CUX1: variants seen among roughly 807,000 people sequenced by gnomAD.
CUX1 encodes the protein protein CASP.
In CUX1, 31 loss-of-function variants were observed where a neutral mutation model predicts 158.8. The observed-to-expected ratio is 0.20, with a 90% confidence interval of 0.15 to 0.26. The LOEUF (loss-of-function observed/expected upper bound fraction) is 0.26, where lower values mean the gene tolerates loss of function less well. Ranked by LOEUF, CUX1 falls within the 10% of genes least tolerant of loss-of-function variation. The pLI is 1.00. For synonymous variants in CUX1, 879 were observed against 862.1 expected (o/e 1.02, Z -0.34); for missense variants, 1,589 against 2,014.6 (o/e 0.79, Z 4.04).
intron 8 of CUX1, among the ~76,000 whole-genome samples, chr7:102,158,122 C>G (rs1225142286): frequency 3.3e-5 from 5 of 152,030 alleles, no homozygotes; most frequent in Non-Finnish European, 2.9e-5. Flanking sequence ...TCCTCTCACC[C>G]CCAGCCTGGC....
intron 1 of CUX1, among the ~76,000 whole-genome samples, chr7:101,892,477 G>A (rs1800987510): frequency 6.6e-6 from 1 of 152,100 alleles, no homozygotes; most frequent in Non-Finnish European, 1.5e-5. Context: ...GACAGAAATT[G>A]CCACTTCAAC....
downstream of CUX1, among the ~76,000 whole-genome samples, chr7:102,263,058 G>C (rs1288003608): frequency 4.8e-5 from 7 of 146,522 alleles, no homozygotes; most frequent in African/African-American, 1.8e-4. Context: ...CTGTTGCTCA[G>C]GCTGGAGTGC....
chr7:102,119,984 G>T (rs184068525), intron 8 of CUX1, among the ~76,000 whole-genome samples: 1 of 152,362 alleles, frequency 6.6e-6, no homozygotes, highest in Non-Finnish European at 1.5e-5. Flanking sequence ...GGAACGTGCT[G>T]TGGATTTTAA....
intron 3 of CUX1, among the ~76,000 whole-genome samples, chr7:102,054,496 G>A (rs917991685): frequency 6.6e-6 from 1 of 152,124 alleles, no homozygotes; most frequent in Non-Finnish European, 1.5e-5. Flanking sequence ...GGGCTGTATT[G>A]ATCTGTGTGT....
rs1159068404 is a variant in CUX1 at position 102,249,249 on chromosome 7, C to G, written c.*207C>G. 7.4e-5 allele frequency: 80 copies of G among 1,079,926 alleles called. No individual in the cohort carries two copies. The highest frequency in any genetic ancestry group is 9.0e-5 in the Non-Finnish European group (80 of 889,910). 66.9% of individuals were successfully genotyped at this position (1,079,926 alleles called of 1,614,324 possible). ...CCCAGATCCAAGGCCGCGGCCCAGA[C>G]CCACTCTGCGGCCCGGGCCGACCCT... On this transcript the variant is annotated 3_prime_UTR_variant, in exon 24 of 24. Coordinates refer to ENST00000292535, the MANE Select transcript of CUX1 (RefSeq NM_181552.4).
chr7:101,901,823 T>C (rs1802179811), intron 1 of CUX1, among the ~76,000 whole-genome samples: 1 of 152,206 alleles, frequency 6.6e-6, no homozygotes, highest in Non-Finnish European at 1.5e-5. Flanking sequence ...AGTGTTCTCC[T>C]CGCGAAGGGG....
chr7:102,248,857 AG>A lies in CUX1; in HGVS notation c.4334del (p.Ser1445ThrfsTer40). On this transcript the variant is annotated frameshift_variant, in exon 24 of 24. Coordinates refer to ENST00000292535, the MANE Select transcript of CUX1 (RefSeq NM_181552.4). LOFTEE classifies it low-confidence loss of function (END_TRUNC). This position sits in a 1 kb window ranked among gnomAD's most constrained non-coding sequence, Gnocchi z 5.8. ...PSSAPPPSNS[S>X]SSSAPRRPSS... is the part of the protein sequence containing the mutation. ...CTCCGCGCCGCCGCCCAGCAACAGCAGCAGCAGCAGCGCCCCCCGCAGGCCC... is the reference window on the plus strand; with the variant it reads ...CTCCGCGCCGCCGCCCAGCAACAGCACAGCAGCAGCGCCCCCCGCAGGCCC... 7.8e-7 allele frequency: 1 copy of A among 1,281,576 alleles called. No individual in the cohort carries two copies. Among genetic ancestry groups the A allele is most frequent in the South Asian group, 1.9e-5 (1 of 51,582 alleles). The allele number at this position is 1,281,576 out of a possible 1,614,324, so 79.4% of individuals were successfully genotyped here. A position where few individuals can be genotyped will look rare whatever the true frequency, so the allele number is the denominator to read the frequency against.
chr7:102,104,277 A>T lies in CUX1; in HGVS notation c.407-59A>T. ...ACCAGGTTATGAGAGCCTTGTACCT[A>T]CAGCCATATGGAATTGTATGCTTCT... is the stretch of plus-strand genomic sequence containing the variant. On this transcript the variant is annotated intron_variant, in intron 5 of 23. Transcript: ENST00000292535. 3 of 1,523,628 alleles carry T rather than the reference A, an allele frequency of 2.0e-6. No individual in the cohort carries two copies. In the South Asian group the frequency reaches 3.6e-5, roughly 18 times the overall value. 94.4% of individuals were successfully genotyped at this position (1,523,628 alleles called of 1,614,324 possible).
At chr7:101,905,117 T>TG (rs1245862626) in intron 1 of CUX1, among the ~76,000 whole-genome samples, 5 of 152,062 alleles carry the variant, frequency 3.3e-5, no homozygotes, top group African/African-American at 1.2e-4. Context: ...TGTCTCTGGG[T>TG]GGGGGGCTCA....
At chr7:102,109,890 G>A (rs1177575969) in intron 6 of CUX1, among the ~76,000 whole-genome samples, 3 of 152,122 alleles carry the variant, frequency 2.0e-5, no homozygotes, top group African/African-American at 7.2e-5. Flanking sequence ...TTATACAGCA[G>A]TATCTCCACA....
upstream of CUX1, chr7:101,816,203 G>T (rs1414779399): frequency 3.7e-6 from 1 of 268,046 alleles, no homozygotes. Context: ...CCGCGGCGGC[G>T]GGGAGGAGGG....
At chr7:101,940,221 C>T (rs1200722934) in intron 2 of CUX1, among the ~76,000 whole-genome samples, 3 of 143,072 alleles carry the variant, frequency 2.1e-5, no homozygotes, top group East Asian at 2.0e-4. Context: ...GCCTGGGTGA[C>T]GGAGGGAGAC....
chr7:102,088,122 C>T (rs1186658588), intron 4 of CUX1, among the ~76,000 whole-genome samples: 6 of 152,052 alleles, frequency 3.9e-5, no homozygotes, highest in Non-Finnish European at 8.8e-5. Context: ...CTCAGCCTCC[C>T]CAGTAACTGG....
chr7:102,218,957 G>C (rs990044280), intron 20 of CUX1, among the ~76,000 whole-genome samples: 3 of 151,556 alleles, frequency 2.0e-5, no homozygotes, highest in Admixed American at 6.6e-5. Flanking sequence ...GGAGGCAGGG[G>C]TGGGAAGATC....
chr7:102,156,369 G>A (rs563580501), intron 8 of CUX1, among the ~76,000 whole-genome samples: 10 of 152,212 alleles, frequency 6.6e-5, no homozygotes, highest in South Asian at 2.1e-4. Flanking sequence ...ATAACAGTAC[G>A]GATAGGGTCA....
intron 3 of CUX1, among the ~76,000 whole-genome samples, chr7:102,034,918 A>G (rs1401534634): frequency 1.3e-5 from 2 of 152,060 alleles, no homozygotes; most frequent in African/African-American, 2.4e-5. Context: ...TGGGCAACAG[A>G]TCAAGATTCC....
At chr7:101,938,900 G>C (rs1807277930) in intron 2 of CUX1, among the ~76,000 whole-genome samples, 1 of 151,620 alleles carries the variant, frequency 6.6e-6, no homozygotes, top group Non-Finnish European at 1.5e-5. Flanking sequence ...AATTAGCTGG[G>C]CATGGTGGTG....
intron 20 of CUX1, among the ~76,000 whole-genome samples, chr7:102,224,368 G>A (rs570235914): frequency 6.6e-6 from 1 of 152,210 alleles, no homozygotes; most frequent in Non-Finnish European, 1.5e-5. Flanking sequence ...CACCATGCCT[G>A]GCTGGTTTTT....
chr7:101,817,185 C>T, upstream of CUX1: 3 of 984,412 alleles, frequency 3.0e-6, no homozygotes, highest in Non-Finnish European at 3.6e-6. The surrounding 1 kb of genome is among the most constrained non-coding windows in gnomAD (Gnocchi z 4.1). Flanking sequence ...CAAGCTGTTC[C>T]CCCGGGTGCC....
Sources: allele counts gnomAD v4.1 joint callset (sites outside exome capture counted in the v4.1 genomes callset), GRCh38; gene constraint gnomAD v4.1.1; non-coding constraint Gnocchi (gnomAD v3.1); transcripts MANE v1.5; gene names NCBI Gene and HGNC (gene_info 2026-07-23, HGNC 2026-07-21).